EIPR1: variants seen among roughly 807,000 people sequenced by gnomAD.
EIPR1 encodes EARP and GARP complex-interacting protein 1.
EIPR1 carries 25 observed loss-of-function variants against 48.1 expected under a neutral mutation model. The ratio of observed to expected loss-of-function variants is 0.52; its 90% confidence interval spans 0.38 to 0.73. EIPR1 has a LOEUF of 0.73. EIPR1 is among the 30% of genes least tolerant of loss of function. The pLI, the probability that EIPR1 is intolerant of heterozygous loss-of-function variation, is 0.00. For missense variants in EIPR1, 415 were observed against 506.2 expected, an observed-to-expected ratio of 0.82 and a Z score of 1.73; for synonymous variants, 204 against 201.9, an observed-to-expected ratio of 1.01 and a Z score of -0.09.
chr2:3,349,301 C>A (rs1369540033), intron 2 of EIPR1, among the ~76,000 whole-genome samples: 2 of 152,264 alleles, frequency 1.3e-5, no homozygotes, highest in African/African-American at 4.8e-5. Flanking sequence ...CCAGCCCTAA[C>A]CGGCCCTGCT....
chr2:3,287,943 A>G (rs920765567), intron 3 of EIPR1, among the ~76,000 whole-genome samples: 1 of 152,186 alleles, frequency 6.6e-6, no homozygotes, highest in South Asian at 2.1e-4. Context: ...TCGTGTGCAG[A>G]GGGTACTGAG....
intron 3 of EIPR1, among the ~76,000 whole-genome samples, chr2:3,292,967 A>G (rs1668414673): frequency 6.6e-6 from 1 of 152,122 alleles, no homozygotes; most frequent in South Asian, 2.1e-4. Context: ...TTTCCACATT[A>G]AACGAAATAA....
intron 1 of EIPR1, among the ~76,000 whole-genome samples, chr2:3,357,689 G>T (rs1180251911): frequency 2.6e-5 from 4 of 152,188 alleles, no homozygotes. Flanking sequence ...AATTTGTCCT[G>T]ACCACAAGGC....
At chr2:3,234,913 C>A (rs368113585) in intron 4 of EIPR1, among the ~76,000 whole-genome samples, 1 of 152,234 alleles carries the variant, frequency 6.6e-6, no homozygotes, top group East Asian at 1.9e-4. Flanking sequence ...CAGCTGGTCC[C>A]GGGCCTGTGG....
At chr2:3,278,277 C>T (rs375610443) in intron 3 of EIPR1, among the ~76,000 whole-genome samples, 2 of 152,196 alleles carry the variant, frequency 1.3e-5, no homozygotes, top group East Asian at 3.9e-4. Flanking sequence ...CTGCCATCCA[C>T]ACCACATGCA....
At position 3,224,450 on chromosome 2, in the gene EIPR1, C is replaced by T. The variant is rs1665994229; in HGVS notation, c.417-10202G>A. On this transcript the variant is annotated intron_variant, in intron 4 of 8. Transcript: ENST00000382125. ...AATTGGGTGATACACACCTGCCCAT[C>T]CAACCAGCCCTGATTGCCAAACAGG... Among the ~76,000 whole-genome samples the T allele has an allele frequency of 2.0e-5, 3 of 152,190 alleles. No individual in the cohort carries two copies. In the South Asian group the frequency reaches 6.2e-4, roughly 32 times the overall value.
chr2:3,335,814 C>T (rs1158478635), intron 3 of EIPR1, among the ~76,000 whole-genome samples: 3 of 152,122 alleles, frequency 2.0e-5, no homozygotes, highest in African/African-American at 7.2e-5. Flanking sequence ...TTCCGTCACC[C>T]CCCACTGTGA....
At chr2:3,195,044 G>A (rs1307914093) in intron 6 of EIPR1, among the ~76,000 whole-genome samples, 1 of 152,260 alleles carries the variant, frequency 6.6e-6, no homozygotes, top group Non-Finnish European at 1.5e-5. Flanking sequence ...TGAGAGGGCA[G>A]ACACGCACAC....
intron 3 of EIPR1, among the ~76,000 whole-genome samples, chr2:3,305,389 C>A (rs1394357665): frequency 6.6e-6 from 1 of 150,854 alleles, no homozygotes; most frequent in Non-Finnish European, 1.5e-5. Flanking sequence ...CCCTCCACTC[C>A]CGTCCAGTTC....
chr2:3,362,458 C>A (rs1474147648), intron 1 of EIPR1, among the ~76,000 whole-genome samples: 1 of 152,136 alleles, frequency 6.6e-6, no homozygotes, highest in Non-Finnish European at 1.5e-5. Flanking sequence ...TGACTGAGTC[C>A]ATGTTCCAGT....
At chr2:3,208,438 T>A (rs968294228) in intron 5 of EIPR1, 4 of 1,478,752 alleles carry the variant, frequency 2.7e-6, no homozygotes, top group East Asian at 2.5e-5. Context: ...AGACACTTCC[T>A]CTGCTTCCGT....
intron 4 of EIPR1, among the ~76,000 whole-genome samples, chr2:3,230,758 TTATGA>T (rs1666218953): frequency 6.6e-6 from 1 of 152,248 alleles, no homozygotes; most frequent in Admixed American, 6.5e-5. Flanking sequence ...TACAGTAGTC[TTATGA>T]TATAAGAAAT....
At chr2:3,291,533 AT>A (rs2103274321) in intron 3 of EIPR1, among the ~76,000 whole-genome samples, 1 of 152,310 alleles carries the variant, frequency 6.6e-6, no homozygotes, top group South Asian at 2.1e-4. Flanking sequence ...AAACGTCATA[AT>A]TTAAAAGATA....
At chr2:3,341,095 CAAAAAAAAAAAAAA>C (rs55667121) in intron 2 of EIPR1, among the ~76,000 whole-genome samples, 1 of 22,198 alleles carries the variant, frequency 4.5e-5, no homozygotes, top group Non-Finnish European at 1.0e-4. Flanking sequence ...GATCCTGTCT[CAAAAAAAAAAAAAA>C]AAAAAAAAAA....
chr2:3,274,388 A>G, intron 3 of EIPR1: 1 of 1,550,630 alleles, frequency 6.4e-7, no homozygotes, highest in Non-Finnish European at 8.7e-7. Context: ...CAAGAGCACC[A>G]AAGGAATCCA....
At chr2:3,314,619 C>G (rs1669228172) in intron 3 of EIPR1, among the ~76,000 whole-genome samples, 1 of 151,474 alleles carries the variant, frequency 6.6e-6, no homozygotes, top group African/African-American at 2.4e-5. Flanking sequence ...TGGTCTCACT[C>G]ACCGGCCAGC....
At chr2:3,290,336 T>C (rs933673160) in intron 3 of EIPR1, among the ~76,000 whole-genome samples, 10 of 152,340 alleles carry the variant, frequency 6.6e-5, no homozygotes, top group Middle Eastern at 3.4e-3. Flanking sequence ...GCATAACACC[T>C]TTTAAATACA....
intron 3 of EIPR1, among the ~76,000 whole-genome samples, chr2:3,330,927 A>C (rs72765350): frequency 0.22 from 32,143 of 143,218 alleles, 5,981 homozygotes; most frequent in East Asian, 0.58. Flanking sequence ...GAGACTGGCA[A>C]GTGTACACTC....
At chr2:3,273,801 T>G (rs867647069) in intron 3 of EIPR1, among the ~76,000 whole-genome samples, 1 of 152,166 alleles carries the variant, frequency 6.6e-6, no homozygotes, top group Non-Finnish European at 1.5e-5. Flanking sequence ...GGCAGCCTGA[T>G]AGGAGCCTGT....
Sources: gnomAD v4.1 joint callset for allele counts (sites outside exome capture counted in the v4.1 genomes callset) on GRCh38, gnomAD v4.1.1 for gene constraint, MANE v1.5 for transcripts, NCBI Gene and HGNC (gene_info 2026-07-23, HGNC 2026-07-21) for gene names.